Variants in TMEM132D observed in about 807,000 individuals in gnomAD.
The protein encoded by TMEM132D is mature OL transmembrane protein.
Under a neutral mutation model 62.3 loss-of-function variants are expected in TMEM132D, and 21 were observed. That is an observed-to-expected ratio of 0.34 (90% CI 0.24 to 0.49). The LOEUF (loss-of-function observed/expected upper bound fraction) is 0.49, where lower values mean the gene tolerates loss of function less well. Among genes scored for constraint, TMEM132D ranks in the 20% least tolerant of loss-of-function variants. The probability of loss-of-function intolerance (pLI) is 0.99; values close to 1 mark genes in which losing one functional copy is unlikely to be tolerated. For missense variants in TMEM132D, 1,346 were observed against 1,402.8 expected (o/e 0.96, Z 0.65); for synonymous variants, 621 against 575.6 (o/e 1.08, Z -1.13).
At chr12:129,727,902 C>G (rs1002147695) in intron 1 of TMEM132D, among the ~76,000 whole-genome samples, 1 of 152,154 alleles carries the variant, frequency 6.6e-6, no homozygotes, top group Non-Finnish European at 1.5e-5. Flanking sequence ...TTGCAGACAG[C>G]TAACCCTGCA....
chr12:129,790,701 T>G (rs1269651073), intron 1 of TMEM132D, among the ~76,000 whole-genome samples: 1 of 152,136 alleles, frequency 6.6e-6, no homozygotes, highest in Admixed American at 6.5e-5. Flanking sequence ...TGTTCCCACT[T>G]TGGGCCATGG....
chr12:129,122,048 A>C (rs559683712), intron 5 of TMEM132D, among the ~76,000 whole-genome samples: 21 of 152,310 alleles, frequency 1.4e-4, no homozygotes, highest in African/African-American at 4.8e-4. Flanking sequence ...CCTAGAATGC[A>C]GTCACTCATC....
intron 3 of TMEM132D, among the ~76,000 whole-genome samples, chr12:129,512,071 G>A (rs1353954408): frequency 6.6e-6 from 1 of 152,148 alleles, no homozygotes; most frequent in Admixed American, 6.5e-5. Context: ...TACAGCATCT[G>A]CAGTGCTTAG....
At chr12:129,274,250 C>A (rs1040060939) in intron 4 of TMEM132D, among the ~76,000 whole-genome samples, 4 of 151,972 alleles carry the variant, frequency 2.6e-5, no homozygotes, top group African/African-American at 9.7e-5. Flanking sequence ...AGTGGATAGG[C>A]CAGAACAATG....
At chr12:129,275,055 C>T (rs1292077635) in intron 4 of TMEM132D, among the ~76,000 whole-genome samples, 1 of 152,074 alleles carries the variant, frequency 6.6e-6, no homozygotes, top group Non-Finnish European at 1.5e-5. Flanking sequence ...TGAGGCGGGA[C>T]GATTCCTTGA....
intron 1 of TMEM132D, among the ~76,000 whole-genome samples, chr12:129,894,689 C>T (rs950888136): frequency 6.6e-6 from 1 of 152,118 alleles, no homozygotes. Context: ...CCATAAGACA[C>T]ATTGACAAGA....
At position 129,760,875 on chromosome 12, in the gene TMEM132D, T is replaced by C. The variant is rs547681168; in HGVS notation, c.80-60177A>G. Among the ~76,000 whole-genome samples the C allele has an allele frequency of 6.6e-5, 10 of 152,210 alleles. No homozygotes were observed. The East Asian group carries it at 7.8e-4, about 12-fold the overall frequency. ...CCCTCCGTGTGTCCGTGTGTTCTCA[T>C]TGTTCAACTCCCACTTATGGGTCAG... On this transcript the variant is annotated intron_variant, in intron 1 of 8. Coordinates refer to ENST00000422113, the MANE Select transcript of TMEM132D (RefSeq NM_133448.3).
chr12:129,178,267 A>G (rs1877963295), intron 5 of TMEM132D, among the ~76,000 whole-genome samples: 2 of 152,162 alleles, frequency 1.3e-5, no homozygotes, highest in Non-Finnish European at 2.9e-5. Context: ...AATGATTTAT[A>G]TTCCTCTGGG....
chr12:129,078,423 C>T (rs1201915906), intron 8 of TMEM132D, 111 bp downstream of exon 8: 41 of 1,101,122 alleles, frequency 3.7e-5, no homozygotes, highest in Admixed American at 1.1e-4. Context: ...AACAAACGCC[C>T]GATATATGAT....
At chr12:129,282,558 C>T (rs1308756240) in intron 4 of TMEM132D, among the ~76,000 whole-genome samples, 1 of 152,098 alleles carries the variant, frequency 6.6e-6, no homozygotes, top group African/African-American at 2.4e-5. Context: ...ATTTGGCAAC[C>T]CTCTCCTGAC....
chr12:129,800,478 G>A (rs1371933803), intron 1 of TMEM132D, among the ~76,000 whole-genome samples: 5 of 152,066 alleles, frequency 3.3e-5, no homozygotes, highest in African/African-American at 1.2e-4. Flanking sequence ...CCCTCTCCAT[G>A]GAGCTATGCA....
At chr12:129,265,153 C>G (rs1346626204) in intron 4 of TMEM132D, among the ~76,000 whole-genome samples, 1 of 152,166 alleles carries the variant, frequency 6.6e-6, no homozygotes, top group African/African-American at 2.4e-5. Flanking sequence ...GGGTCACACA[C>G]TCACCTAGGG....
intron 2 of TMEM132D, among the ~76,000 whole-genome samples, chr12:129,574,994 T>C (rs1452240492): frequency 6.6e-6 from 1 of 151,634 alleles, no homozygotes; most frequent in African/African-American, 2.4e-5. Context: ...AACAATGCAG[T>C]CAACGCTCCT....
At chr12:129,405,865 G>C (rs1041717381) in intron 3 of TMEM132D, among the ~76,000 whole-genome samples, 2 of 152,120 alleles carry the variant, frequency 1.3e-5, no homozygotes, top group African/African-American at 4.8e-5. Context: ...AAGATTTCAT[G>C]AAAGATACCA....
At chr12:129,325,372 T>C (rs1868871856) in intron 4 of TMEM132D, among the ~76,000 whole-genome samples, 1 of 152,176 alleles carries the variant, frequency 6.6e-6, no homozygotes, top group Non-Finnish European at 1.5e-5. Flanking sequence ...AAGGCCTTAC[T>C]GTTGAGGCTG....
chr12:129,734,543 C>T (rs1301627836), intron 1 of TMEM132D, among the ~76,000 whole-genome samples: 3 of 152,126 alleles, frequency 2.0e-5, no homozygotes, highest in African/African-American at 4.8e-5. Context: ...CTCATTGCTT[C>T]GAGTAACGCA....
At chr12:129,337,484 C>A in intron 4 of TMEM132D, 150 bp downstream of exon 4, 1 of 746,890 alleles carries the variant, frequency 1.3e-6, no homozygotes, top group Non-Finnish European at 2.2e-6. Flanking sequence ...TAACGATTGG[C>A]TATTGGCAGT....
intron 3 of TMEM132D, among the ~76,000 whole-genome samples, chr12:129,484,289 C>T (rs1486451412): frequency 6.6e-6 from 1 of 152,158 alleles, no homozygotes; most frequent in East Asian, 1.9e-4. Context: ...TTACTTATTT[C>T]TAAAATCTTG....
At chr12:129,317,883 A>G (rs192788554) in intron 4 of TMEM132D, among the ~76,000 whole-genome samples, 1 of 152,116 alleles carries the variant, frequency 6.6e-6, no homozygotes, top group East Asian at 1.9e-4. Context: ...GTTAATTCAA[A>G]GATCTTGTCT....
Sources: allele counts gnomAD v4.1 joint callset (sites outside exome capture counted in the v4.1 genomes callset), GRCh38; gene constraint gnomAD v4.1.1; transcripts MANE v1.5; gene names NCBI Gene and HGNC (gene_info 2026-07-23, HGNC 2026-07-21).